NACC2: variants seen among roughly 807,000 people sequenced by gnomAD.
NACC2 encodes nucleus accumbens-associated protein 2.
NACC2 carries 8 observed loss-of-function variants against 25.1 expected under a neutral mutation model. The observed-to-expected ratio is 0.32, with a 90% CI of 0.19 to 0.57. The LOEUF is 0.57. NACC2 is among the 20% of genes least tolerant of loss of function. NACC2 has a pLI of 0.89. For synonymous variants in NACC2, 435 were observed against 294.7 expected (o/e 1.48, Z -4.88); for missense variants, 644 against 650.2 (o/e 0.99, Z 0.10).
intron 2 of NACC2, among the ~76,000 whole-genome samples, chr9:136,045,989 C>T (rs990459640): frequency 2.0e-5 from 3 of 152,282 alleles, no homozygotes; most frequent in Admixed American, 1.3e-4. Flanking sequence ...CAGATGCCCC[C>T]GAGCCCTGAG....
Position 136,084,937 on chromosome 9 carries a change from G to A in NACC2, c.-60+10252C>T, listed in dbSNP as rs374742031. Among the ~76,000 whole-genome samples, 21 of 152,276 alleles carry A rather than the reference G, an allele frequency of 1.4e-4. No homozygotes were observed. The East Asian group carries it at 3.3e-3, about 24-fold the overall frequency. On this transcript the variant is annotated intron_variant, in intron 1 of 5. Coordinates refer to ENST00000277554, the MANE Select transcript of NACC2 (RefSeq NM_144653.5). This position sits in a 1 kb window ranked among gnomAD's most constrained non-coding sequence, Gnocchi z 5.1. ...CTGCCAGGGGCTGGGGCAAGGATGG[G>A]GAGTTTGTGTCTAATGGGGAAAGGG... is the stretch of plus-strand genomic sequence containing the variant.
At chr9:136,046,968 C>A (rs1178470977) in intron 2 of NACC2, among the ~76,000 whole-genome samples, 1 of 152,208 alleles carries the variant, frequency 6.6e-6, no homozygotes, top group African/African-American at 2.4e-5. Flanking sequence ...GTGGAACAGG[C>A]ACACGCATTA....
rs1840248533 is a variant in NACC2 at position 136,019,182 on chromosome 9, G to A, written c.887-2753C>T. 1 of 152,296 alleles carries A rather than the reference G, an allele frequency of 6.6e-6. No individual in the cohort carries two copies. The highest frequency in any genetic ancestry group is 1.5e-5 in the Non-Finnish European group (1 of 68,086). The allele number at this position is 152,296 out of a possible 1,614,324, so 9.4% of individuals were successfully genotyped here. A position where few individuals can be genotyped will look rare whatever the true frequency, so the allele number is the denominator to read the frequency against. On this transcript the variant is annotated intron_variant, in intron 2 of 5. Coordinates refer to ENST00000277554, the MANE Select transcript of NACC2 (RefSeq NM_144653.5). This position sits in a 1 kb window ranked among gnomAD's most constrained non-coding sequence, Gnocchi z 5.2. ...CCCCAGCTCACCCTCTGCAGGAGCTGAGCTTCAAGGTCCAGGCTACAACTG... is the reference window on the plus strand; with the variant it reads ...CCCCAGCTCACCCTCTGCAGGAGCTAAGCTTCAAGGTCCAGGCTACAACTG...
At chr9:136,028,433 G>C (rs1840428501) in intron 2 of NACC2, among the ~76,000 whole-genome samples, 1 of 147,574 alleles carries the variant, frequency 6.8e-6, no homozygotes, top group Admixed American at 6.8e-5. Context: ...CTGGAGTGCA[G>C]TGGTGCGATC....
chr9:136,016,145 A>C, intron 3 of NACC2, 120 bp downstream of exon 3: 3 of 1,144,276 alleles, frequency 2.6e-6, no homozygotes, highest in Admixed American at 5.3e-5. Context: ...ATTAGAGGAA[A>C]TTTAAGATTT....
chr9:136,032,927 A>T (rs922182881), intron 2 of NACC2, among the ~76,000 whole-genome samples: 2 of 152,068 alleles, frequency 1.3e-5, no homozygotes, highest in African/African-American at 4.8e-5. Context: ...CTGAGGCAGG[A>T]GAATCACTAG....
chr9:136,067,528 A>C (rs1008565279), intron 1 of NACC2, among the ~76,000 whole-genome samples: 12 of 152,110 alleles, frequency 7.9e-5, no homozygotes, highest in African/African-American at 2.9e-4. Flanking sequence ...TGTGAACACC[A>C]CAGAATGCAC....
rs1294908475 is a variant in NACC2 at position 136,050,589 on chromosome 9, G to A, written c.-59-9C>T. 2 of 712,430 alleles carry A rather than the reference G, an allele frequency of 2.8e-6. No individual in the cohort carries two copies. The highest frequency in any genetic ancestry group is 1.7e-5 in the African/African-American group (1 of 57,602). The allele number at this position is 712,430 out of a possible 1,614,324, so 44.1% of individuals were successfully genotyped here. A position where few individuals can be genotyped will look rare whatever the true frequency, so the allele number is the denominator to read the frequency against. Reference sequence around the variant, plus strand: ...GCCCTAGCGGGGCTCATCTGTGGGGGGCAGGAGGCACGTGGTCAGTTCCTC... The same window carrying A: ...GCCCTAGCGGGGCTCATCTGTGGGGAGCAGGAGGCACGTGGTCAGTTCCTC... On this transcript the variant is annotated splice_polypyrimidine_tract_variant and intron_variant, in intron 1 of 5. Transcript: ENST00000277554.
rs1255848650 is a variant in NACC2 at position 136,086,647 on chromosome 9, G to A, written c.-60+8542C>T. Among the ~76,000 whole-genome samples the A allele has an allele frequency of 1.3e-5, 2 of 152,134 alleles. No individual in the cohort carries two copies. Among genetic ancestry groups the A allele is most frequent in the Non-Finnish European group, 2.9e-5 (2 of 68,030 alleles). ...TAAACTGGGTTACAATAATTAACAC[G>A]AATCCTGTTCCCAAACTTACATAAC... On this transcript the variant is annotated intron_variant, in intron 1 of 5. Transcript: ENST00000277554. This position sits in a 1 kb window ranked among gnomAD's most constrained non-coding sequence, Gnocchi z 5.6.
At chr9:136,064,365 T>A (rs1172486140) in intron 1 of NACC2, among the ~76,000 whole-genome samples, 1 of 147,514 alleles carries the variant, frequency 6.8e-6, no homozygotes, top group Non-Finnish European at 1.5e-5. Context: ...TTGCAAAATA[T>A]AAACTCAGTA....
At chr9:136,047,949 G>A (rs1840754512) in intron 2 of NACC2, among the ~76,000 whole-genome samples, 2 of 152,216 alleles carry the variant, frequency 1.3e-5, no homozygotes, top group Non-Finnish European at 2.9e-5. Flanking sequence ...AAGGCCCAAG[G>A]TCACATTGGA....
Position 136,019,244 on chromosome 9 carries a change from G to A in NACC2, c.887-2815C>T, listed in dbSNP as rs1432341206. The A allele has an allele frequency of 2.0e-5, 3 of 149,242 alleles. No homozygotes were observed. The highest frequency in any genetic ancestry group is 3.0e-5 in the Non-Finnish European group (2 of 66,176). The allele number at this position is 149,242 out of a possible 1,614,324, so 9.2% of individuals were successfully genotyped here. On this transcript the variant is annotated intron_variant, in intron 2 of 5. Coordinates refer to ENST00000277554, the MANE Select transcript of NACC2 (RefSeq NM_144653.5). This position sits in a 1 kb window ranked among gnomAD's most constrained non-coding sequence, Gnocchi z 5.2. ...AGAACCCGCAGAGAGACTTGTTCAT[G>A]GCAGAGACAGGACGGCTCATCCCTC...
At chr9:136,026,817 G>A (rs1840399014) in intron 2 of NACC2, among the ~76,000 whole-genome samples, 1 of 152,234 alleles carries the variant, frequency 6.6e-6, no homozygotes, top group Non-Finnish European at 1.5e-5. Flanking sequence ...GGAGGGACAA[G>A]AAAGGAGAAG....
At chr9:136,074,287 AAT>A (rs796377665) in intron 1 of NACC2, among the ~76,000 whole-genome samples, 1 of 148,442 alleles carries the variant, frequency 6.7e-6, no homozygotes, top group South Asian at 2.2e-4. Context: ...CGTCTCTACT[AAT>A]AAAATACAAA....
At chr9:136,017,706 T>C (rs77882719) in intron 2 of NACC2, among the ~76,000 whole-genome samples, 4,081 of 152,322 alleles carry the variant, frequency 0.027, 173 homozygotes, top group African/African-American at 0.093. Context: ...ACAGCCACCC[T>C]GCTCAGGTGA....
chr9:136,058,108 G>T (rs1235171376), intron 1 of NACC2, among the ~76,000 whole-genome samples: 1 of 152,158 alleles, frequency 6.6e-6, no homozygotes, highest in Non-Finnish European at 1.5e-5. Context: ...CTGGGGGCGG[G>T]GGGGGCCCAA....
chr9:136,052,819 C>T (rs1331891602), intron 1 of NACC2, among the ~76,000 whole-genome samples: 1 of 152,254 alleles, frequency 6.6e-6, no homozygotes, highest in Non-Finnish European at 1.5e-5. Flanking sequence ...GGGTCTGCAG[C>T]GTCTGGCTGT....
intron 1 of NACC2, among the ~76,000 whole-genome samples, chr9:136,089,960 T>C (rs1003309417): frequency 2.0e-5 from 3 of 150,586 alleles, no homozygotes; most frequent in African/African-American, 7.3e-5. Flanking sequence ...TTTTTAATCT[T>C]CTCTCACCCT....
At chr9:136,039,430 A>G (rs1840597769) in intron 2 of NACC2, among the ~76,000 whole-genome samples, 1 of 152,252 alleles carries the variant, frequency 6.6e-6, no homozygotes, top group East Asian at 1.9e-4. Context: ...ACACTTCAAC[A>G]ACATCAAGCT....
Sources: allele counts gnomAD v4.1 joint callset (sites outside exome capture counted in the v4.1 genomes callset), GRCh38; gene constraint gnomAD v4.1.1; non-coding constraint Gnocchi (gnomAD v3.1); transcripts MANE v1.5; gene names NCBI Gene and HGNC (gene_info 2026-07-23, HGNC 2026-07-21).